CCBE1: variants seen among roughly 807,000 people sequenced by gnomAD.
The protein encoded by CCBE1 is collagen and calcium-binding EGF domain-containing protein 1.
In CCBE1, 37 loss-of-function variants were observed where a neutral mutation model predicts 50.0. That is an observed-to-expected ratio of 0.74 (90% confidence interval 0.57 to 0.97). The LOEUF is 0.97. CCBE1 is among the 50% of genes least tolerant of loss of function. The probability of loss-of-function intolerance (pLI) is 0.00; values close to 1 mark genes in which losing one functional copy is unlikely to be tolerated. For missense variants in CCBE1, 538 were observed against 523.8 expected (o/e 1.03, Z -0.26); for synonymous variants, 234 against 203.7 (o/e 1.15, Z -1.27).
chr18:59,561,876 C>T (rs907139179), intron 2 of CCBE1, among the ~76,000 whole-genome samples: 1 of 152,134 alleles, frequency 6.6e-6, no homozygotes, highest in African/African-American at 2.4e-5. Context: ...TAAGCTCCTG[C>T]TGAGAAAGCT....
chr18:59,625,430 CA>C (rs750324482), intron 2 of CCBE1, among the ~76,000 whole-genome samples: 1,069 of 69,880 alleles, frequency 0.015, 5 homozygotes, highest in African/African-American at 0.053. Context: ...GATTCTGTCT[CA>C]AAAAAAAAAA....
intron 3 of CCBE1, among the ~76,000 whole-genome samples, chr18:59,478,500 A>T (rs1408097687): frequency 6.6e-6 from 1 of 152,246 alleles, no homozygotes; most frequent in Non-Finnish European, 1.5e-5. Flanking sequence ...GCAGATAATT[A>T]GCTCTGGCAA....
intron 2 of CCBE1, among the ~76,000 whole-genome samples, chr18:59,495,327 G>A (rs1260402876): frequency 6.6e-6 from 1 of 151,538 alleles, no homozygotes; most frequent in Non-Finnish European, 1.5e-5. Context: ...TAATCGGTTT[G>A]GATAATTATT....
intron 5 of CCBE1, among the ~76,000 whole-genome samples, chr18:59,456,405 A>G (rs1047875050): frequency 6.6e-6 from 1 of 152,222 alleles, no homozygotes; most frequent in African/African-American, 2.4e-5. Context: ...TCCTAGTCCA[A>G]TATGATGGGT....
rs150730197 is a variant in CCBE1 at position 59,669,087 on chromosome 18, C to T, written c.212+27542G>A. On this transcript the variant is annotated intron_variant, in intron 2 of 10. Transcript: ENST00000439986. Reference sequence around the variant, plus strand: ...GTGACCTCAAGTGATCCACCCACCTCGGCCTCCCAAAGTGCTGGGATTACA... The same window carrying T: ...GTGACCTCAAGTGATCCACCCACCTTGGCCTCCCAAAGTGCTGGGATTACA... Among the ~76,000 whole-genome samples the T allele has an allele frequency of 5.9e-5, 9 of 151,946 alleles. No homozygotes were observed. In the South Asian group the frequency reaches 1.5e-3, roughly 25 times the overall value.
chr18:59,506,670 G>T (rs1176860428), intron 2 of CCBE1, among the ~76,000 whole-genome samples: 4 of 152,166 alleles, frequency 2.6e-5, no homozygotes, highest in African/African-American at 9.7e-5. Context: ...TCCCTCACTG[G>T]CTACTCCCAA....
chr18:59,448,300 G>A lies in CCBE1; in HGVS notation c.655-197C>T, dbSNP rs75346177. Among the ~76,000 whole-genome samples the A allele has an allele frequency of 0.13, 20,232 of 152,142 alleles. 1,480 individuals are homozygous for A. Among genetic ancestry groups the A allele is most frequent in the African/African-American group, 0.19 (7,891 of 41,514 alleles). On this transcript the variant is annotated intron_variant, in intron 6 of 10. Coordinates refer to ENST00000439986, the MANE Select transcript of CCBE1 (RefSeq NM_133459.4). ...GCATTCTAGGGCAAATAACTTGTAT[G>A]ACATTACTCAGCTAGTTAGTAGGTG...
intron 2 of CCBE1, among the ~76,000 whole-genome samples, chr18:59,505,398 C>T (rs890111447): frequency 2.0e-5 from 3 of 152,152 alleles, no homozygotes; most frequent in Non-Finnish European, 2.9e-5. Flanking sequence ...TGGGTGATTG[C>T]AATTGTATAC....
intron 9 of CCBE1, among the ~76,000 whole-genome samples, chr18:59,438,887 C>A (rs368867635): frequency 1.3e-5 from 2 of 152,098 alleles, no homozygotes; most frequent in African/African-American, 2.4e-5. Context: ...CGGTGCCTCA[C>A]ACCTGTAATA....
At chr18:59,666,961 T>C (rs2054366809) in intron 2 of CCBE1, among the ~76,000 whole-genome samples, 1 of 151,926 alleles carries the variant, frequency 6.6e-6, no homozygotes, top group South Asian at 2.1e-4. Flanking sequence ...CAAGACTCTG[T>C]CTCAAAAAAT....
At chr18:59,599,683 C>A (rs1282003798) in intron 2 of CCBE1, among the ~76,000 whole-genome samples, 3 of 152,162 alleles carry the variant, frequency 2.0e-5, no homozygotes, top group Non-Finnish European at 4.4e-5. Context: ...GGATTACTTA[C>A]TGTCTCTGTG....
chr18:59,555,897 G>C (rs1374373593), intron 2 of CCBE1, among the ~76,000 whole-genome samples: 1 of 152,230 alleles, frequency 6.6e-6, no homozygotes, highest in Non-Finnish European at 1.5e-5. Flanking sequence ...GTCTCACCTT[G>C]GCACTAAACC....
intron 2 of CCBE1, among the ~76,000 whole-genome samples, chr18:59,677,782 G>A (rs553816023): frequency 8.5e-5 from 13 of 152,242 alleles, no homozygotes; most frequent in African/African-American, 2.2e-4. Context: ...TGGGCCAAAT[G>A]TAAGGTTGAA....
chr18:59,538,772 T>C (rs1004275241), intron 2 of CCBE1, among the ~76,000 whole-genome samples: 2 of 152,238 alleles, frequency 1.3e-5, no homozygotes, highest in African/African-American at 4.8e-5. Context: ...TCTCAATGAT[T>C]CTGGCTTCCT....
intron 2 of CCBE1, among the ~76,000 whole-genome samples, chr18:59,609,069 C>T (rs1296428165): frequency 6.6e-6 from 1 of 152,218 alleles, no homozygotes; most frequent in Admixed American, 6.5e-5. Flanking sequence ...ACTCCTCCTT[C>T]TTGAAACTTC....
chr18:59,672,984 G>A (rs190190745), intron 2 of CCBE1, among the ~76,000 whole-genome samples: 2 of 151,932 alleles, frequency 1.3e-5, no homozygotes, highest in East Asian at 3.9e-4. Context: ...AGTACCACCT[G>A]TTCCCCAAAA....
At chr18:59,588,942 C>G (rs766766720) in intron 2 of CCBE1, among the ~76,000 whole-genome samples, 1 of 152,198 alleles carries the variant, frequency 6.6e-6, no homozygotes, top group African/African-American at 2.4e-5. Flanking sequence ...TCCCCAGTAA[C>G]CCCTTGGGTA....
At chr18:59,519,889 T>C (rs1445331324) in intron 2 of CCBE1, among the ~76,000 whole-genome samples, 1 of 152,230 alleles carries the variant, frequency 6.6e-6, no homozygotes, top group East Asian at 1.9e-4. Context: ...TTTCTGCATA[T>C]AGCTAGCCAG....
chr18:59,436,225 G>A lies in CCBE1; in HGVS notation c.988-84C>T, dbSNP rs559272222. 9 of 1,193,830 alleles carry A rather than the reference G, an allele frequency of 7.5e-6. No individual in the cohort carries two copies. In the Admixed American group the frequency reaches 8.8e-5, roughly 12 times the overall value. 74.0% of individuals were successfully genotyped at this position (1,193,830 alleles called of 1,614,324 possible). A position where few individuals can be genotyped will look rare whatever the true frequency, so the allele number is the denominator to read the frequency against. ...TCCATGACTTGACCTGCTGCTTGCT[G>A]GCAACTACTTTCTCAATAACTCTGT... On this transcript the variant is annotated intron_variant, in intron 10 of 10. Transcript: ENST00000439986.
Sources: gnomAD v4.1 joint callset for allele counts (sites outside exome capture counted in the v4.1 genomes callset) on GRCh38, gnomAD v4.1.1 for gene constraint, MANE v1.5 for transcripts, NCBI Gene and HGNC (gene_info 2026-07-23, HGNC 2026-07-21) for gene names.